The following SHC3 variants were observed in gnomAD, a reference collection of about 807,000 sequenced individuals.
SHC3 encodes SHC-transforming protein 3.
Under a neutral mutation model 60.4 loss-of-function variants are expected in SHC3, and 15 were observed. The observed-to-expected ratio is 0.25, with a 90% CI of 0.17 to 0.38. The LOEUF (loss-of-function observed/expected upper bound fraction) is 0.38. SHC3 is among the 10% of genes least tolerant of loss of function. SHC3 has a pLI of 1.00. For missense variants in SHC3, 677 were observed against 786.1 expected, an observed-to-expected ratio of 0.86 and a Z score of 1.66; for synonymous variants, 294 against 325.9, an observed-to-expected ratio of 0.90 and a Z score of 1.05.
At position 89,045,810 on chromosome 9, in the gene SHC3, A is replaced by G. The variant is rs1240104367; in HGVS notation, c.1137T>C (p.Tyr379=). The stretch of plus-strand genomic sequence containing the variant: ...TGTCTCCTAAGTGTCTTCCCTGGTA[A>G]TAAGTCTGCTCTTTTCCTGCAAACT... The part of the protein sequence containing the change: ...TAQFAGKEQT[Y]YQGRHLGDTF... The change falls in exon 9 of 12, where the codon TAT becomes TAC. Residue 379 remains tyrosine (Y), a synonymous_variant. Coordinates refer to ENST00000375835, the MANE Select transcript of SHC3 (RefSeq NM_016848.6). 1.2e-6 allele frequency: 2 copies of G among 1,614,116 alleles called. No individual in the cohort carries two copies. Among genetic ancestry groups the G allele is most frequent in the East Asian group, 2.2e-5 (1 of 44,874 alleles).
At chr9:89,021,828 C>A (rs1221926847) in intron 11 of SHC3, among the ~76,000 whole-genome samples, 1 of 152,270 alleles carries the variant, frequency 6.6e-6, no homozygotes, top group East Asian at 1.9e-4. Context: ...CACACACAGC[C>A]CTACCTGGAT....
chr9:89,075,145 C>T lies in SHC3; in HGVS notation c.693G>A (p.Thr231=), dbSNP rs746827118. The T allele has an allele frequency of 7.4e-6, 12 of 1,613,938 alleles. No individual in the cohort carries two copies. Among genetic ancestry groups the T allele is most frequent in the Admixed American group, 1.7e-5 (1 of 59,992 alleles). The stretch of plus-strand genomic sequence containing the variant: ...CCGGAGTTCGCAGGTTCAGACTGGC[C>T]GTGGAGATGGTCAGAGAGATGCTCA... ...AGMSISLTIS[T]ASLNLRTPDS... Residue 231 remains threonine, a synonymous_variant, in exon 4 of 12, where the codon ACG becomes ACA. Transcript: ENST00000375835.
chr9:89,071,287 T>C, intron 4 of SHC3, 35 bp from the exon 5 acceptor site: 1 of 1,610,090 alleles, frequency 6.2e-7, no homozygotes, highest in Non-Finnish European at 8.5e-7. Context: ...AGATGTGCTG[T>C]TATCGCCCTT....
At chr9:89,079,205 T>C (rs1547696) in intron 2 of SHC3, among the ~76,000 whole-genome samples, 92,822 of 152,082 alleles carry the variant, frequency 0.61, 30,290 homozygotes, top group East Asian at 0.98. Flanking sequence ...AATAATATTC[T>C]AACTGTGTTT....
chr9:89,058,740 G>C (rs1458559029), intron 6 of SHC3, among the ~76,000 whole-genome samples: 1 of 141,314 alleles, frequency 7.1e-6, no homozygotes, highest in East Asian at 2.2e-4. Context: ...ACATGGTGAA[G>C]GGCGGTGGTG....
intron 11 of SHC3, among the ~76,000 whole-genome samples, chr9:89,020,200 A>C (rs1180377559): frequency 1.3e-5 from 2 of 151,702 alleles, no homozygotes; most frequent in Non-Finnish European, 2.9e-5. Context: ...CATCACCCCC[A>C]GTGCCCAAAA....
Position 89,075,194 on chromosome 9 carries a change from T to C in SHC3, c.644A>G (p.Lys215Arg), listed in dbSNP as rs1387817017. The C allele has an allele frequency of 1.2e-6, 2 of 1,614,012 alleles. No homozygotes were observed. Among genetic ancestry groups the C allele is most frequent in the African/African-American group, 2.7e-5 (2 of 75,032 alleles). ...CATTCCCGCAAACTGGAGGTTGCTC[T>C]TTCCCAAGATGCTGGACAGCATTTT... ...PSKMLSSILG[K>R]SNLQFAGMSI... is the part of the protein sequence containing the mutation. The change falls in exon 4 of 12, where the codon AAG becomes AGG. Residue 215 changes from lysine to arginine, a missense_variant. By Grantham distance (26) the Lys-to-Arg change is conservative. Transcript: ENST00000375835.
rs528932869 is a variant in SHC3 at position 89,160,936 on chromosome 9, T to A, written c.474+17051A>T. Among the ~76,000 whole-genome samples, 7 of 152,302 alleles carry A rather than the reference T, an allele frequency of 4.6e-5. No individual in the cohort carries two copies. In the South Asian group the frequency reaches 1.5e-3, roughly 32 times the overall value. On this transcript the variant is annotated intron_variant, in intron 1 of 11. Coordinates refer to ENST00000375835, the MANE Select transcript of SHC3 (RefSeq NM_016848.6). ...AGCCTCCATGGAATTATGTTCTTAA[T>A]CCCCAGCAGTATACAAATAGGCTCC...
chr9:89,122,464 C>T (rs896308109), intron 1 of SHC3, among the ~76,000 whole-genome samples: 1 of 152,196 alleles, frequency 6.6e-6, no homozygotes, highest in Admixed American at 6.5e-5. Context: ...AAAAAAACAA[C>T]CTTTGTTGGT....
intron 11 of SHC3, among the ~76,000 whole-genome samples, chr9:89,030,174 G>T (rs1240655467): frequency 6.6e-6 from 1 of 151,992 alleles, no homozygotes; most frequent in South Asian, 2.1e-4. Flanking sequence ...ATCCATCAGG[G>T]AGATACAAAA....
chr9:89,050,076 T>C lies in SHC3; in HGVS notation c.962+1961A>G, dbSNP rs1218203156. Among the ~76,000 whole-genome samples, 3 of 152,252 alleles carry C rather than the reference T, an allele frequency of 2.0e-5. No individual in the cohort carries two copies. In the East Asian group the frequency reaches 5.8e-4, roughly 29 times the overall value. ...AACTTACGTTGGATGGATACATAGATATGTGATATTATAAGTAAAATGTTA... is the reference window on the plus strand; with the variant it reads ...AACTTACGTTGGATGGATACATAGACATGTGATATTATAAGTAAAATGTTA... On this transcript the variant is annotated intron_variant, in intron 7 of 11. Transcript: ENST00000375835.
chr9:89,118,779 C>A (rs1048431974), intron 1 of SHC3, among the ~76,000 whole-genome samples: 11 of 152,166 alleles, frequency 7.2e-5, no homozygotes, highest in African/African-American at 2.2e-4. Flanking sequence ...CCCAAACTAG[C>A]ATCCCAGTAG....
At chr9:89,068,942 G>A (rs1458413709) in intron 5 of SHC3, among the ~76,000 whole-genome samples, 2 of 152,106 alleles carry the variant, frequency 1.3e-5, no homozygotes, top group Non-Finnish European at 2.9e-5. Flanking sequence ...CATCACAAGG[G>A]GCAAGCAATT....
chr9:89,025,754 C>A (rs1455210090), intron 11 of SHC3, among the ~76,000 whole-genome samples: 2 of 152,178 alleles, frequency 1.3e-5, no homozygotes, highest in Non-Finnish European at 2.9e-5. Flanking sequence ...AGATAGCAGG[C>A]CCTGAAAGAG....
chr9:89,171,500 T>C (rs1288381688), intron 1 of SHC3, among the ~76,000 whole-genome samples: 1 of 152,256 alleles, frequency 6.6e-6, no homozygotes, highest in Non-Finnish European at 1.5e-5. Context: ...TGCTTCTTTT[T>C]CTGCCTATTC....
intron 11 of SHC3, among the ~76,000 whole-genome samples, chr9:89,026,014 C>A (rs1182756285): frequency 3.9e-5 from 6 of 152,132 alleles, no homozygotes; most frequent in Non-Finnish European, 8.8e-5. Flanking sequence ...GAGGCCAAGG[C>A]AGGCGGACCA....
chr9:89,124,234 T>G (rs551085481), intron 1 of SHC3, among the ~76,000 whole-genome samples: 1 of 152,218 alleles, frequency 6.6e-6, no homozygotes, highest in Non-Finnish European at 1.5e-5. Flanking sequence ...ACTTTCACAC[T>G]GTTGGTAGGA....
intron 1 of SHC3, among the ~76,000 whole-genome samples, chr9:89,138,317 G>A (rs1040628409): frequency 2.5e-4 from 38 of 152,346 alleles, no homozygotes; most frequent in African/African-American, 8.9e-4. Context: ...CAGGCCCAAG[G>A]GCTGCTGGTT....
intron 8 of SHC3, 42 bp downstream of exon 8, chr9:89,046,802 T>C (rs373010204): frequency 2.1e-6 from 3 of 1,444,460 alleles, no homozygotes; most frequent in Non-Finnish European, 2.7e-6. Context: ...AAAGTAGAGT[T>C]AGCCTCCATT....
Sources: gnomAD v4.1 joint callset for allele counts (sites outside exome capture counted in the v4.1 genomes callset) on GRCh38, gnomAD v4.1.1 for gene constraint, MANE v1.5 for transcripts, NCBI Gene and HGNC (gene_info 2026-07-23, HGNC 2026-07-21) for gene names.